ELP2: variants seen among roughly 807,000 people sequenced by gnomAD.
ELP2 encodes elongator acetyltransferase complex subunit 2, also known as elongator complex protein 2.
In ELP2, 90 loss-of-function variants were observed where a neutral mutation model predicts 119.2. The observed-to-expected ratio is 0.75, with a 90% confidence interval of 0.64 to 0.90. The LOEUF is 0.90. ELP2 is among the 40% of genes least tolerant of loss of function. The pLI is 0.00. For synonymous variants in ELP2, 339 were observed against 331.0 expected, an observed-to-expected ratio of 1.02 and a Z score of -0.26; for missense variants, 921 against 967.8, an observed-to-expected ratio of 0.95 and a Z score of 0.64.
intron 3 of ELP2, 64 bp downstream of exon 3, chr18:36,136,441 A>C (rs1173529761): frequency 1.5e-6 from 2 of 1,322,730 alleles, no homozygotes; most frequent in Admixed American, 3.4e-5. Context: ...TAAGAGGTAG[A>C]GTTTCACTCT....
At position 36,180,287 on chromosome 18, in the gene ELP2, G is replaced by C. The variant is rs1406932226; in HGVS notation, c.*5646G>C. The C allele has an allele frequency of 1.3e-5, 2 of 152,220 alleles. No homozygotes were observed. Among genetic ancestry groups the C allele is most frequent in the African/African-American group, 2.4e-5 (1 of 41,452 alleles). 9.4% of individuals were successfully genotyped at this position (152,220 alleles called of 1,614,324 possible). On this transcript the variant is annotated 3_prime_UTR_variant, in exon 22 of 22. Coordinates refer to ENST00000358232, the MANE Select transcript of ELP2 (RefSeq NM_018255.4). Reference sequence around the variant, plus strand: ...ATACTATTTTGCTTAATCTCCTCGGGCAGAATTTAGTGTTGTGGCCATACC... The same window carrying C: ...ATACTATTTTGCTTAATCTCCTCGGCCAGAATTTAGTGTTGTGGCCATACC...
intron 9 of ELP2, 136 bp downstream of exon 9, chr18:36,145,170 T>C (rs1037212790): frequency 8.3e-6 from 6 of 720,112 alleles, no homozygotes; most frequent in Non-Finnish European, 1.5e-5. Flanking sequence ...TGACAAAGTA[T>C]AATACTGCAT....
chr18:36,173,953 C>A lies in ELP2; in HGVS notation c.2325-532C>A, dbSNP rs533214942. ...TTAATACGATGGTCTTGCCCAAGGT[C>A]ACGCAGTTAGAGGTCACACTGGAGA... On this transcript the variant is annotated intron_variant, in intron 21 of 21. Transcript: ENST00000358232. 7.2e-5 allele frequency among the ~76,000 whole-genome samples: 11 copies of A among 152,280 alleles called. No homozygotes were observed. In the South Asian group the frequency reaches 2.3e-3, roughly 32 times the overall value.
At chr18:36,131,163 G>A (rs891903539) in intron 1 of ELP2, among the ~76,000 whole-genome samples, 1 of 152,152 alleles carries the variant, frequency 6.6e-6, no homozygotes, top group African/African-American at 2.4e-5. Context: ...AACAGAGCCA[G>A]ACCCTATCTC....
intron 11 of ELP2, among the ~76,000 whole-genome samples, chr18:36,149,237 G>A (rs1183701394): frequency 6.6e-6 from 1 of 152,112 alleles, no homozygotes; most frequent in Non-Finnish European, 1.5e-5. Context: ...CCATTGTGTT[G>A]ATCTAGATTG....
At chr18:36,140,304 A>G (rs1180563066) in intron 5 of ELP2, among the ~76,000 whole-genome samples, 2 of 150,938 alleles carry the variant, frequency 1.3e-5, no homozygotes, top group South Asian at 2.1e-4. Context: ...ATTGCCTTGT[A>G]TAGCTTTTTA....
chr18:36,151,833 C>T (rs2090413715), intron 11 of ELP2, among the ~76,000 whole-genome samples: 2 of 149,122 alleles, frequency 1.3e-5, no homozygotes, highest in African/African-American at 2.5e-5. Flanking sequence ...ACTGCACTCT[C>T]GCCTCCCTGG....
intron 16 of ELP2, among the ~76,000 whole-genome samples, chr18:36,160,560 A>G (rs1453642288): frequency 6.9e-6 from 1 of 144,568 alleles, no homozygotes; most frequent in East Asian, 2.1e-4. Context: ...CCTGGGTGAC[A>G]GAATGAGACC....
At chr18:36,171,249 G>T in intron 21 of ELP2, 89 bp downstream of exon 21, 1 of 838,052 alleles carries the variant, frequency 1.2e-6, no homozygotes, top group Non-Finnish European at 2.0e-6. Flanking sequence ...TTCATGGAGA[G>T]GGACATATAT....
At chr18:36,137,204 T>G (rs572978362) in intron 3 of ELP2, 2 of 152,278 alleles carry the variant, frequency 1.3e-5, no homozygotes, top group South Asian at 2.1e-4. Context: ...CTGGCTGTGT[T>G]GCCCAGGCTG....
At chr18:36,145,458 T>C in intron 9 of ELP2, 1 of 298,558 alleles carries the variant, frequency 3.3e-6, no homozygotes, top group Admixed American at 4.9e-5. Flanking sequence ...TCTCCATTTA[T>C]AGAGTGACAG....
At chr18:36,138,989 C>T in intron 5 of ELP2, 117 bp downstream of exon 5, 1 of 816,066 alleles carries the variant, frequency 1.2e-6, no homozygotes, top group Admixed American at 1.8e-5. Context: ...TTCTATGAAA[C>T]AAGATGTGAA....
In ELP2 at chr18:36,138,928, T is replaced by C. The variant is rs189035462; in HGVS notation, c.523+56T>C. The C allele has an allele frequency of 2.9e-3, 3,786 of 1,304,380 alleles. 12 individuals carry two copies. Among genetic ancestry groups the C allele is most frequent in the Non-Finnish European group, 3.5e-3 (3,174 of 900,552 alleles). The allele number at this position is 1,304,380 out of a possible 1,614,324, so 80.8% of individuals were successfully genotyped here. On this transcript the variant is annotated intron_variant, in intron 5 of 21. Coordinates refer to ENST00000358232, the MANE Select transcript of ELP2 (RefSeq NM_018255.4). Reference sequence around the variant, plus strand: ...GGCAGTATATTTGCATACTGTCATATGATTAGAACCTAAAAGAAATGTATT... The same window carrying C: ...GGCAGTATATTTGCATACTGTCATACGATTAGAACCTAAAAGAAATGTATT...
rs5823996 is a variant in ELP2 at position 36,131,930 on chromosome 18, CTTTTTT to C, written c.139-1290_139-1285del. Reference sequence around the variant, plus strand: ...TCCTGTTAAATATTTGCTGGTCGGGCTTTTTTTTTTTTTTTTTTTTTTTGGAGTGTA... The same window carrying C: ...TCCTGTTAAATATTTGCTGGTCGGGCTTTTTTTTTTTTTTTTTGGAGTGTA... On this transcript the variant is annotated intron_variant, in intron 1 of 21. Transcript: ENST00000358232. Among the ~76,000 whole-genome samples, 29 of 79,884 alleles carry C rather than the reference CTTTTTT, an allele frequency of 3.6e-4. No homozygotes were observed. The South Asian group carries it at 9.9e-3, about 27-fold the overall frequency. 52.4% of individuals were successfully genotyped at this position (79,884 alleles called of 152,430 possible).
At chr18:36,131,155 C>T (rs1314284153) in intron 1 of ELP2, among the ~76,000 whole-genome samples, 1 of 152,178 alleles carries the variant, frequency 6.6e-6, no homozygotes, top group Non-Finnish European at 1.5e-5. Context: ...GCCTGGGCAA[C>T]AGAGCCAGAC....
Position 36,179,681 on chromosome 18 carries a change from G to A in ELP2, c.*5040G>A, listed in dbSNP as rs2091294643. 6.6e-6 allele frequency: 1 copy of A among 152,192 alleles called. No homozygotes were observed. Among genetic ancestry groups the A allele is most frequent in the South Asian group, 2.1e-4 (1 of 4,826 alleles). The allele number at this position is 152,192 out of a possible 1,614,324, so 9.4% of individuals were successfully genotyped here. On this transcript the variant is annotated 3_prime_UTR_variant, in exon 22 of 22. Coordinates refer to ENST00000358232, the MANE Select transcript of ELP2 (RefSeq NM_018255.4). ...GTCTCCCGACACAGAGGGATGCAAA[G>A]GCAGCCTCTTCCTGCTCAGTGGAAT... is the stretch of plus-strand genomic sequence containing the variant.
rs2091275888 is a variant in ELP2 at position 36,178,760 on chromosome 18, T to C, written c.*4119T>C. 1 of 152,148 alleles carries C rather than the reference T, an allele frequency of 6.6e-6. No individual in the cohort carries two copies. Among genetic ancestry groups the C allele is most frequent in the South Asian group, 2.1e-4 (1 of 4,814 alleles). The allele number at this position is 152,148 out of a possible 1,614,324, so 9.4% of individuals were successfully genotyped here. A position where few individuals can be genotyped will look rare whatever the true frequency, so the allele number is the denominator to read the frequency against. ...AAAAAAAAGTTCTCTTGAATCATAA[T>C]TTCAGTATTTATGGATGAAATCAAT... On this transcript the variant is annotated 3_prime_UTR_variant, in exon 22 of 22. Transcript: ENST00000358232.
In ELP2 at chr18:36,176,590, C is replaced by T. The variant is rs542645876; in HGVS notation, c.*1949C>T. The stretch of plus-strand genomic sequence containing the variant: ...GTCCTCAAGCATCTTCCTCTGGAAT[C>T]ACCTTACTGTTTAGTAAACATTCAG... On this transcript the variant is annotated 3_prime_UTR_variant, in exon 22 of 22. Coordinates refer to ENST00000358232, the MANE Select transcript of ELP2 (RefSeq NM_018255.4). 6.6e-6 allele frequency: 1 copy of T among 152,360 alleles called. No homozygotes were observed. Among genetic ancestry groups the T allele is most frequent in the Non-Finnish European group, 1.5e-5 (1 of 68,042 alleles). 9.4% of individuals were successfully genotyped at this position (152,360 alleles called of 1,614,324 possible).
At chr18:36,160,874 G>A (rs145963607) in intron 16 of ELP2, 58 bp from the exon 17 acceptor site, 9 of 1,137,346 alleles carry the variant, frequency 7.9e-6, no homozygotes, top group Middle Eastern at 2.0e-4. Context: ...TTCAAAAATT[G>A]TGTGGCATGA....
Sources: gnomAD v4.1 joint callset for allele counts (sites outside exome capture counted in the v4.1 genomes callset) on GRCh38, gnomAD v4.1.1 for gene constraint, MANE v1.5 for transcripts, NCBI Gene and HGNC (gene_info 2026-07-23, HGNC 2026-07-21) for gene names.